The following PHF20 variants were observed in gnomAD, a reference collection of about 807,000 sequenced individuals.
The protein encoded by PHF20 is PHD finger protein 20.
Under a neutral mutation model 113.5 loss-of-function variants are expected in PHF20, and 23 were observed. That is an observed-to-expected ratio of 0.20 (90% CI 0.15 to 0.29). The LOEUF is 0.29. Among genes scored for constraint, PHF20 ranks in the 10% least tolerant of loss-of-function variants. The probability of loss-of-function intolerance (pLI) is 1.00; values close to 1 mark genes in which losing one functional copy is unlikely to be tolerated. For missense variants in PHF20, 943 were observed against 1,219.6 expected (o/e 0.77, Z 3.38); for synonymous variants, 434 against 457.3 (o/e 0.95, Z 0.65).
rs1359507912 is a variant in PHF20, at chr20:35,870,959, G to T, written c.927G>T (p.Gln309His). 6.3e-7 allele frequency: 1 copy of T among 1,592,240 alleles called. No homozygotes were observed. The highest frequency in any genetic ancestry group is 1.4e-5 in the African/African-American group (1 of 73,286). Reference sequence around the variant, plus strand: ...ACTCTCTTAATGGTTTAATAGCCCAGGAAAAGTCAAAAAACTACTCGGAAA... The same window carrying T: ...ACTCTCTTAATGGTTTAATAGCCCATGAAAAGTCAAAAAACTACTCGGAAA... ...KRPRLDKNSS[Q>H]EKSKNYSENT... Residue 309 changes from glutamine (Q) to histidine (H), a missense_variant, in exon 8 of 18, where the codon CAG becomes CAT. Gln to His is a conservative substitution (Grantham distance 24). Coordinates refer to ENST00000374012, the MANE Select transcript of PHF20 (RefSeq NM_016436.5).
At chr20:35,879,804 C>A (rs2054594560) in intron 9 of PHF20, among the ~76,000 whole-genome samples, 1 of 149,750 alleles carries the variant, frequency 6.7e-6, no homozygotes, top group South Asian at 2.1e-4. Flanking sequence ...AAAAAACCCT[C>A]CAAAACAAAA....
At chr20:35,811,794 G>A (rs897805297) in intron 2 of PHF20, among the ~76,000 whole-genome samples, 4 of 148,750 alleles carry the variant, frequency 2.7e-5, no homozygotes, top group Non-Finnish European at 4.5e-5. Flanking sequence ...TTTTTGAGAC[G>A]GAGTCTCGCT....
chr20:35,920,986 G>A (rs960037622), intron 13 of PHF20, among the ~76,000 whole-genome samples: 1 of 152,220 alleles, frequency 6.6e-6, no homozygotes, highest in African/African-American at 2.4e-5. Flanking sequence ...ATCTTTACTT[G>A]TGAGGTCGGA....
intron 9 of PHF20, among the ~76,000 whole-genome samples, chr20:35,875,962 T>C (rs1225957684): frequency 1.3e-5 from 2 of 152,234 alleles, no homozygotes; most frequent in African/African-American, 4.8e-5. Context: ...CCTAATTATG[T>C]TTCTGGATTG....
chr20:35,847,480 T>TG (rs761284031), intron 4 of PHF20, 46 bp downstream of exon 4: 401 of 1,155,982 alleles, frequency 3.5e-4, no homozygotes, highest in East Asian at 5.6e-4. Flanking sequence ...ACTTAGGTGG[T>TG]GGGGGGGGAT....
At chr20:35,865,166 T>A (rs2054292184) in intron 6 of PHF20, among the ~76,000 whole-genome samples, 1 of 152,156 alleles carries the variant, frequency 6.6e-6, no homozygotes, top group African/African-American at 2.4e-5. Context: ...GCATTCCAGC[T>A]TGGGCGACAA....
chr20:35,793,995 C>CAAAACAAAAAAAAAAAAAAAAAAAA (rs1385077985), intron 1 of PHF20, among the ~76,000 whole-genome samples: 1 of 33,836 alleles, frequency 3.0e-5, no homozygotes, highest in Non-Finnish European at 5.5e-5. Context: ...GACTCTGTCT[C>CAAAACAAAAAAAAAAAAAAAAAAAA]AAAAAAAAAA....
At chr20:35,850,308 T>TG (rs1323702450) in intron 4 of PHF20, among the ~76,000 whole-genome samples, 33 of 108,366 alleles carry the variant, frequency 3.0e-4, no homozygotes, top group African/African-American at 9.0e-4. Context: ...TTTTTTTTTT[T>TG]TTTTTTTTTT....
intron 5 of PHF20, among the ~76,000 whole-genome samples, chr20:35,862,450 A>G (rs2054234426): frequency 6.6e-6 from 1 of 152,210 alleles, no homozygotes; most frequent in South Asian, 2.1e-4. Context: ...TTTTAAGGCC[A>G]GGCATGGTGA....
chr20:35,814,729 C>G (rs1348347082), intron 2 of PHF20, among the ~76,000 whole-genome samples: 1 of 147,378 alleles, frequency 6.8e-6, no homozygotes, highest in African/African-American at 2.5e-5. Flanking sequence ...AAAAATTAGC[C>G]AGGCGTAGTG....
chr20:35,850,660 A>G (rs541003288), intron 4 of PHF20: 17 of 191,064 alleles, frequency 8.9e-5, no homozygotes, highest in Non-Finnish European at 1.5e-4. Context: ...TCATTATTAC[A>G]TCAGCTGGTA....
chr20:35,888,201 C>T (rs1158528323), intron 9 of PHF20, among the ~76,000 whole-genome samples: 2 of 152,010 alleles, frequency 1.3e-5, no homozygotes, highest in African/African-American at 4.8e-5. Flanking sequence ...GGCTGGTCTC[C>T]AACTCCCGAC....
intron 17 of PHF20, among the ~76,000 whole-genome samples, chr20:35,944,374 CTG>C (rs1002395077): frequency 6.6e-6 from 1 of 152,140 alleles, no homozygotes; most frequent in African/African-American, 2.4e-5. Flanking sequence ...CGCTTTCACA[CTG>C]TGCATGCCTC....
chr20:35,947,570 G>A lies in PHF20; in HGVS notation c.2982G>A (p.Lys994=). Residue 994 remains lysine (K), a synonymous_variant, in exon 18 of 18, where the codon AAG becomes AAA. Transcript: ENST00000374012. ...TTCCGCAGCTCAAGCATTGTATCAA[G>A]CAGCTGCTGATGGACCTGGGCAAGG... The part of the protein sequence containing the change: ...ARLPQLKHCI[K]QLLMDLGKVQ... The A allele has an allele frequency of 1.9e-6, 3 of 1,614,126 alleles. No homozygotes were observed. Among genetic ancestry groups the A allele is most frequent in the East Asian group, 4.5e-5 (2 of 44,880 alleles).
chr20:35,904,912 G>A (rs2055175941), intron 10 of PHF20, among the ~76,000 whole-genome samples: 2 of 151,512 alleles, frequency 1.3e-5, no homozygotes, highest in African/African-American at 4.9e-5. Flanking sequence ...CACAACCTCC[G>A]CCTCCCGGAT....
chr20:35,873,876 C>T (rs1026348476), intron 9 of PHF20, among the ~76,000 whole-genome samples: 6 of 152,130 alleles, frequency 3.9e-5, no homozygotes, highest in African/African-American at 1.2e-4. Flanking sequence ...AATATTTAAC[C>T]ACTTTATGTA....
At chr20:35,938,489 A>G in intron 15 of PHF20, 2 of 562,960 alleles carry the variant, frequency 3.6e-6, no homozygotes, top group Non-Finnish European at 6.3e-6. Flanking sequence ...AGTCCCACTC[A>G]CTGTGTGTGA....
At chr20:35,915,809 T>C (rs2055393614) in intron 12 of PHF20, among the ~76,000 whole-genome samples, 1 of 152,182 alleles carries the variant, frequency 6.6e-6, no homozygotes. Context: ...AAATTTGAAC[T>C]AGCAATACAT....
chr20:35,864,203 C>A (rs2054271066), intron 6 of PHF20, among the ~76,000 whole-genome samples: 1 of 152,128 alleles, frequency 6.6e-6, no homozygotes, highest in African/African-American at 2.4e-5. Context: ...AACTGTGAAT[C>A]CCCTAGCACG....
Sources: allele counts gnomAD v4.1 joint callset (sites outside exome capture counted in the v4.1 genomes callset), GRCh38; gene constraint gnomAD v4.1.1; transcripts MANE v1.5; gene names NCBI Gene and HGNC (gene_info 2026-07-23, HGNC 2026-07-21).